CMTM7: variants seen among roughly 807,000 people sequenced by gnomAD.
CMTM7 encodes the protein CKLF-like MARVEL transmembrane domain-containing protein 7.
Under a neutral mutation model 19.3 loss-of-function variants are expected in CMTM7, and 7 were observed. That is an observed-to-expected ratio of 0.36 (90% CI 0.21 to 0.68). The LOEUF (loss-of-function observed/expected upper bound fraction) is 0.68, where lower values mean the gene tolerates loss of function less well. Ranked by LOEUF, CMTM7 falls within the 30% of genes least tolerant of loss-of-function variation. The pLI is 0.60. For missense variants in CMTM7, 193 were observed against 232.6 expected, an observed-to-expected ratio of 0.83 and a Z score of 1.11; for synonymous variants, 87 against 99.3, an observed-to-expected ratio of 0.88 and a Z score of 0.74.
At chr3:32,416,303 A>G (rs549245772) in intron 1 of CMTM7, among the ~76,000 whole-genome samples, 62 of 150,076 alleles carry the variant, frequency 4.1e-4, no homozygotes, top group Admixed American at 6.7e-4. Context: ...GGTTCAAGCA[A>G]TTCTGCCTCA....
chr3:32,393,496 C>T (rs918885392), intron 1 of CMTM7, among the ~76,000 whole-genome samples: 1 of 152,120 alleles, frequency 6.6e-6, no homozygotes, highest in South Asian at 2.1e-4. Context: ...GGATCAGAAG[C>T]CTCCATCTTG....
chr3:32,421,179 T>C (rs1208570086), intron 1 of CMTM7, among the ~76,000 whole-genome samples: 1 of 152,104 alleles, frequency 6.6e-6, no homozygotes, highest in African/African-American at 2.4e-5. Flanking sequence ...GTCTTTTCTC[T>C]CCCATCTCCA....
intron 1 of CMTM7, 106 bp from the exon 2 acceptor site, chr3:32,441,734 T>C: frequency 1.1e-6 from 1 of 937,084 alleles, no homozygotes; most frequent in Non-Finnish European, 1.7e-6. Flanking sequence ...TAATAGCAGT[T>C]CTTCAATGTG....
At chr3:32,412,556 T>A (rs1696194067) in intron 1 of CMTM7, among the ~76,000 whole-genome samples, 1 of 118,468 alleles carries the variant, frequency 8.4e-6, no homozygotes, top group Non-Finnish European at 1.8e-5. Context: ...CATTAATTCC[T>A]CCAGCAGTTT....
chr3:32,401,861 C>T (rs981761779), intron 1 of CMTM7, among the ~76,000 whole-genome samples: 1 of 152,202 alleles, frequency 6.6e-6, no homozygotes, highest in Non-Finnish European at 1.5e-5. Context: ...CCGGGGGCTG[C>T]GGAGCGGAAA....
Position 32,449,719 on chromosome 3 carries a change from G to A in CMTM7, c.432+167G>A, listed in dbSNP as rs113870200. 2.0e-5 allele frequency among the ~76,000 whole-genome samples: 3 copies of A among 152,202 alleles called. No homozygotes were observed. Among genetic ancestry groups the A allele is most frequent in the African/African-American group, 7.2e-5 (3 of 41,518 alleles). The stretch of plus-strand genomic sequence containing the variant: ...TCTCCAAAGAGCCTTAAGCAGAGGC[G>A]TACAGTCCCAGAAGGTGGATTGTCA... On this transcript the variant is annotated intron_variant, in intron 3 of 4. Coordinates refer to ENST00000334983, the MANE Select transcript of CMTM7 (RefSeq NM_138410.4). This position sits in a 1 kb window ranked among gnomAD's most constrained non-coding sequence, Gnocchi z 4.5.
chr3:32,444,620 A>G (rs1696727680), intron 2 of CMTM7, among the ~76,000 whole-genome samples: 1 of 152,274 alleles, frequency 6.6e-6, no homozygotes, highest in African/African-American at 2.4e-5. Flanking sequence ...TGTTGAATCC[A>G]TAGATCAATT....
intron 1 of CMTM7, among the ~76,000 whole-genome samples, chr3:32,421,096 C>T (rs1250524356): frequency 6.6e-6 from 1 of 151,136 alleles, no homozygotes; most frequent in Non-Finnish European, 1.5e-5. Context: ...CCCTTTTCTT[C>T]TGGCCACTAT....
intron 3 of CMTM7, chr3:32,450,933 A>G (rs1404968948): frequency 2.0e-5 from 3 of 152,230 alleles, no homozygotes; most frequent in Non-Finnish European, 2.9e-5. Flanking sequence ...CCCTGCTTAT[A>G]AGAAAGTGGT....
intron 1 of CMTM7, among the ~76,000 whole-genome samples, chr3:32,423,957 G>A (rs1344991653): frequency 6.6e-6 from 1 of 152,302 alleles, no homozygotes; most frequent in Non-Finnish European, 1.5e-5. Flanking sequence ...TTTCAATAGA[G>A]GCCAGATAGG....
intron 1 of CMTM7, among the ~76,000 whole-genome samples, chr3:32,428,039 G>C (rs1696459706): frequency 6.6e-6 from 1 of 152,246 alleles, no homozygotes; most frequent in Non-Finnish European, 1.5e-5. Flanking sequence ...ACACAAGGAA[G>C]GTCTGAGGCC....
chr3:32,417,616 T>A (rs1442387101), intron 1 of CMTM7, among the ~76,000 whole-genome samples: 1 of 152,250 alleles, frequency 6.6e-6, no homozygotes, highest in Non-Finnish European at 1.5e-5. Flanking sequence ...TAAGTATATA[T>A]TCAAATGTAT....
chr3:32,395,294 C>T (rs1001065239), intron 1 of CMTM7, among the ~76,000 whole-genome samples: 2 of 152,076 alleles, frequency 1.3e-5, no homozygotes, highest in African/African-American at 4.8e-5. Context: ...TGAGCCACTG[C>T]GCCTGCATGA....
At chr3:32,406,283 G>C (rs1696090165) in intron 1 of CMTM7, among the ~76,000 whole-genome samples, 1 of 152,088 alleles carries the variant, frequency 6.6e-6, no homozygotes, top group African/African-American at 2.4e-5. Context: ...TCTCCCTTTT[G>C]TTATCTAGCC....
chr3:32,414,444 A>G (rs1266525413), intron 1 of CMTM7, among the ~76,000 whole-genome samples: 1 of 152,178 alleles, frequency 6.6e-6, no homozygotes, highest in East Asian at 1.9e-4. Flanking sequence ...AGTACAAATT[A>G]CCAAGATAAT....
At position 32,454,740 on chromosome 3, in the gene CMTM7, G is replaced by A. The variant is rs1169371909; in HGVS notation, c.*486G>A. Reference sequence around the variant, plus strand: ...TGCCTGTAGAAACACTATGTGGTCAGCCTGTCCCCAAGGAGATCTTGTGTC... The same window carrying A: ...TGCCTGTAGAAACACTATGTGGTCAACCTGTCCCCAAGGAGATCTTGTGTC... On this transcript the variant is annotated 3_prime_UTR_variant, in exon 5 of 5. Transcript: ENST00000334983. The A allele has an allele frequency of 3.2e-6, 1 of 316,872 alleles. No homozygotes were observed. The highest frequency in any genetic ancestry group is 6.3e-6 in the Non-Finnish European group (1 of 158,832). 19.6% of individuals were successfully genotyped at this position (316,872 alleles called of 1,614,324 possible). A position where few individuals can be genotyped will look rare whatever the true frequency, so the allele number is the denominator to read the frequency against.
intron 1 of CMTM7, among the ~76,000 whole-genome samples, chr3:32,418,261 T>C (rs1296465369): frequency 6.6e-6 from 1 of 152,220 alleles, no homozygotes; most frequent in African/African-American, 2.4e-5. Context: ...GGCTTGTTGG[T>C]TTTTTATTTT....
chr3:32,439,551 T>C (rs1315065464), intron 1 of CMTM7, among the ~76,000 whole-genome samples: 3 of 152,232 alleles, frequency 2.0e-5, no homozygotes, highest in African/African-American at 7.2e-5. Flanking sequence ...CCTCCTAGGC[T>C]CAATTGATCC....
At chr3:32,414,900 C>T (rs1696237288) in intron 1 of CMTM7, among the ~76,000 whole-genome samples, 1 of 152,160 alleles carries the variant, frequency 6.6e-6, no homozygotes, top group Non-Finnish European at 1.5e-5. Flanking sequence ...TGGGAGGTTA[C>T]ATAGCCTTTC....
Sources: gnomAD v4.1 joint callset for allele counts (sites outside exome capture counted in the v4.1 genomes callset) on GRCh38, gnomAD v4.1.1 for gene constraint, Gnocchi (gnomAD v3.1) non-coding constraint, MANE v1.5 for transcripts, NCBI Gene and HGNC (gene_info 2026-07-23, HGNC 2026-07-21) for gene names.